ZNF28: variants seen among roughly 807,000 people sequenced by gnomAD.
ZNF28 encodes zinc finger protein KOX24.
In ZNF28, 5 loss-of-function variants were observed where a neutral mutation model predicts 7.2. The ratio of observed to expected loss-of-function variants is 0.70; its 90% CI spans 0.36 to 1.46. ZNF28 has a LOEUF of 1.46. ZNF28 is among the 40% of genes most tolerant of loss of function. ZNF28 has a pLI of 0.03. For synonymous variants in ZNF28, 288 were observed against 292.4 expected, an observed-to-expected ratio of 0.99 and a Z score of 0.15; for missense variants, 879 against 866.6, an observed-to-expected ratio of 1.01 and a Z score of -0.18.
At chr19:52,813,264 A>AAAAAAAAAAAG in intron 2 of ZNF28, among the ~76,000 whole-genome samples, 1 of 149,126 alleles carries the variant, frequency 6.7e-6, no homozygotes. Context: ...AAAAAAAAAA[A>AAAAAAAAAAAG]AAAAAAAGAC....
chr19:52,811,449 G>A (rs2063037276), intron 2 of ZNF28, among the ~76,000 whole-genome samples: 1 of 146,684 alleles, frequency 6.8e-6, no homozygotes. Context: ...GAAGCGAGGA[G>A]CGCCTCTTCC....
chr19:52,802,090 A>G (rs1169091462), intron 3 of ZNF28, among the ~76,000 whole-genome samples: 1 of 152,252 alleles, frequency 6.6e-6, no homozygotes, highest in Non-Finnish European at 1.5e-5. Context: ...AATAAATGCT[A>G]AAGAACCACA....
intron 2 of ZNF28, among the ~76,000 whole-genome samples, chr19:52,808,951 A>T (rs1016108723): frequency 6.6e-6 from 1 of 152,212 alleles, no homozygotes; most frequent in African/African-American, 2.4e-5. Context: ...TTTGTCCCAG[A>T]TTTTCAAAAT....
Position 52,800,777 on chromosome 19 carries a change from C to T in ZNF28, c.1068G>A (p.Lys356=), listed in dbSNP as rs150750348. The T allele has an allele frequency of 7.4e-6, 12 of 1,613,858 alleles. No homozygotes were observed. The African/African-American group carries it at 1.2e-4, about 16-fold the overall frequency. ...TAAAAACCTTGCCACATTCATTACA[C>T]TTGTAAGGTTTCTCTCCAGTGTGAA... The part of the protein sequence containing the change: ...TIIHTGEKPY[K]CNECGKVFNR... The change falls in exon 4 of 4, where the codon AAG becomes AAA. Residue 356 remains lysine (K), a synonymous_variant. Transcript: ENST00000457749.
intron 1 of ZNF28, among the ~76,000 whole-genome samples, 157 bp downstream of exon 1, chr19:52,821,426 AAAG>A (rs1361270572): frequency 5.9e-5 from 9 of 152,260 alleles, no homozygotes; most frequent in Middle Eastern, 3.4e-3. Context: ...TTAAACCTAA[AAAG>A]AAGGGGCTTC....
intron 2 of ZNF28, 103 bp downstream of exon 2, chr19:52,817,841 A>G (rs1410030124): frequency 2.0e-5 from 32 of 1,582,868 alleles, no homozygotes; most frequent in Admixed American, 1.0e-4. Context: ...GTGAGCAAAC[A>G]TATCAGGCAG....
intron 2 of ZNF28, among the ~76,000 whole-genome samples, chr19:52,811,736 CAGCCGCCCCGTCCGGG>C (rs1015093441): frequency 6.7e-6 from 1 of 148,794 alleles, no homozygotes; most frequent in African/African-American, 2.5e-5. Context: ...CTCCGCCCGG[CAGCCGCCCCGTCCGGG>C]AGGGAGGTCG....
chr19:52,802,239 C>T (rs2062881281), intron 3 of ZNF28, among the ~76,000 whole-genome samples: 3 of 152,068 alleles, frequency 2.0e-5, no homozygotes, highest in South Asian at 4.1e-4. Flanking sequence ...TATGGTGGCC[C>T]GTGCCTGTAC....
chr19:52,800,812 G>A lies in ZNF28; in HGVS notation c.1033C>T (p.His345Tyr), dbSNP rs2062857353. Residue 345 changes from histidine (H) to tyrosine (Y), a missense_variant, in exon 4 of 4, where the codon CAT becomes TAT. His to Tyr is a moderately conservative substitution (Grantham distance 83). Coordinates refer to ENST00000457749, the MANE Select transcript of ZNF28 (RefSeq NM_006969.5). ...AFTCNSYLAKHTIIHTGEKPY... is the reference protein window; with the variant it reads ...AFTCNSYLAKYTIIHTGEKPY... Reference sequence around the variant, plus strand: ...TTCTCTCCAGTGTGAATTATAGTATGTTTTGCTAGGTATGAATTACATGTG... The same window carrying A: ...TTCTCTCCAGTGTGAATTATAGTATATTTTGCTAGGTATGAATTACATGTG... The A allele has an allele frequency of 3.1e-6, 5 of 1,614,020 alleles. No homozygotes were observed. The East Asian group carries it at 1.1e-4, about 36-fold the overall frequency.
Position 52,800,999 on chromosome 19 carries a change from G to T in ZNF28, c.846C>A (p.His282Gln). 1 of 1,613,910 alleles carries T rather than the reference G, an allele frequency of 6.2e-7. No individual in the cohort carries two copies. The highest frequency in any genetic ancestry group is 1.7e-5 in the Admixed American group (1 of 59,990). Residue 282 changes from histidine to glutamine, a missense_variant, in exon 4 of 4, where the codon CAC becomes CAA. Physicochemically the swap from His to Gln is conservative, Grantham distance 24. This residue lies in a region of ZNF28 where 864 missense variants were observed against 830.2 expected (regional missense o/e 1.04). Transcript: ENST00000457749. Reference protein sequence around the residue: ...KCNECGKIFGHNTSLFLHKAL... With the variant: ...KCNECGKIFGQNTSLFLHKAL... ...CCTTGTGAAGGAAGAGGGATGTATT[G>T]TGACCAAAGATCTTGCCACACTCAT...
At position 52,800,190 on chromosome 19, in the gene ZNF28, T is replaced by C; in HGVS notation, c.1655A>G (p.Lys552Arg). Residue 552 changes from lysine to arginine, a missense_variant, in exon 4 of 4, where the codon AAA becomes AGA. Lys to Arg is a conservative substitution (Grantham distance 26). Transcript: ENST00000457749. ...HKLHTAEKPYKCEECEKVFSR... is the reference protein window; with the variant it reads ...HKLHTAEKPYRCEECEKVFSR... Reference sequence around the variant, plus strand: ...GAAAACTTTCTCACATTCTTCACATTTGTACGGTTTCTCTGCAGTATGAAG... The same window carrying C: ...GAAAACTTTCTCACATTCTTCACATCTGTACGGTTTCTCTGCAGTATGAAG... The C allele has an allele frequency of 6.2e-7, 1 of 1,613,492 alleles. No individual in the cohort carries two copies. The highest frequency in any genetic ancestry group is 8.5e-7 in the Non-Finnish European group (1 of 1,179,852).
At chr19:52,821,260 G>C (rs549047427) in intron 1 of ZNF28, among the ~76,000 whole-genome samples, 11 of 152,266 alleles carry the variant, frequency 7.2e-5, no homozygotes, top group Non-Finnish European at 1.3e-4. Context: ...GCTGGGAGGC[G>C]CACAGGGTGG....
At chr19:52,811,459 C>A (rs2063037568) in intron 2 of ZNF28, among the ~76,000 whole-genome samples, 1 of 148,468 alleles carries the variant, frequency 6.7e-6, no homozygotes, top group Non-Finnish European at 1.5e-5. Context: ...GCGCCTCTTC[C>A]CCGCCGCCAT....
chr19:52,808,207 G>A, intron 2 of ZNF28, 74 bp from the exon 3 acceptor site: 1 of 1,585,986 alleles, frequency 6.3e-7, no homozygotes, highest in Non-Finnish European at 8.6e-7. Flanking sequence ...CAAGAGAGGG[G>A]GAAAGCATGG....
At chr19:52,810,365 C>T (rs1316711917) in intron 2 of ZNF28, 24 of 1,604,714 alleles carry the variant, frequency 1.5e-5, no homozygotes, top group Non-Finnish European at 1.9e-5. Flanking sequence ...TGGAAGCTCA[C>T]TTTCATGGCT....
chr19:52,818,176 G>A, intron 1 of ZNF28, 145 bp from the exon 2 acceptor site: 3 of 858,584 alleles, frequency 3.5e-6, no homozygotes, highest in Non-Finnish European at 1.7e-6. Flanking sequence ...AATTCCTACA[G>A]GAAAACTCCC....
chr19:52,803,421 A>G (rs1381821956), intron 3 of ZNF28, among the ~76,000 whole-genome samples: 2 of 152,192 alleles, frequency 1.3e-5, no homozygotes, highest in African/African-American at 4.8e-5. Flanking sequence ...GTTATATTGC[A>G]TACCACATAC....
chr19:52,817,349 A>G (rs934637687), intron 2 of ZNF28, among the ~76,000 whole-genome samples: 1 of 152,108 alleles, frequency 6.6e-6, no homozygotes, highest in Non-Finnish European at 1.5e-5. Context: ...TCCAGCCTGG[A>G]TAACAAGAGT....
At chr19:52,809,482 G>A (rs1020395251) in intron 2 of ZNF28, among the ~76,000 whole-genome samples, 2 of 152,334 alleles carry the variant, frequency 1.3e-5, no homozygotes, top group South Asian at 2.1e-4. Context: ...ACTTGAGGGT[G>A]GAGGGTGGGA....
Sources: gnomAD v4.1 joint callset for allele counts (sites outside exome capture counted in the v4.1 genomes callset) on GRCh38, gnomAD v4.1.1 for gene constraint, gnomAD v4.1.1 regional missense constraint, MANE v1.5 for transcripts, NCBI Gene and HGNC (gene_info 2026-07-23, HGNC 2026-07-21) for gene names.